GRB14: variants seen among roughly 807,000 people sequenced by gnomAD.
GRB14 encodes growth factor receptor bound protein 14.
In GRB14, 38 loss-of-function variants were observed where a neutral mutation model predicts 69.1. The ratio of observed to expected loss-of-function variants is 0.55; its 90% CI spans 0.42 to 0.72. The LOEUF (loss-of-function observed/expected upper bound fraction) is 0.72. Among genes scored for constraint, GRB14 ranks in the 30% least tolerant of loss-of-function variants. The pLI is 0.00. For missense variants in GRB14, 666 were observed against 666.1 expected (o/e 1.00, Z 0.00); for synonymous variants, 247 against 241.3 (o/e 1.02, Z -0.22).
At chr2:164,604,640 T>TAA (rs900332670) in intron 2 of GRB14, among the ~76,000 whole-genome samples, 1 of 143,808 alleles carries the variant, frequency 7.0e-6, no homozygotes. Flanking sequence ...TCTTCTTTCT[T>TAA]AAAAAAAAAA....
intron 2 of GRB14, among the ~76,000 whole-genome samples, chr2:164,564,261 C>T (rs1163991397): frequency 6.6e-6 from 1 of 152,106 alleles, no homozygotes; most frequent in Non-Finnish European, 1.5e-5. Context: ...AGGAGGCAAA[C>T]GATATGCTGC....
At chr2:164,561,593 T>A (rs1404629224) in intron 2 of GRB14, among the ~76,000 whole-genome samples, 1 of 152,298 alleles carries the variant, frequency 6.6e-6, no homozygotes, top group South Asian at 2.1e-4. Flanking sequence ...GATGAGTAGC[T>A]ATGCAGTACA....
intron 2 of GRB14, among the ~76,000 whole-genome samples, chr2:164,603,201 G>A (rs1417598256): frequency 3.3e-5 from 5 of 151,858 alleles, no homozygotes; most frequent in Non-Finnish European, 5.9e-5. Flanking sequence ...ATGAAAAGGG[G>A]AACTTAATAC....
At chr2:164,529,680 T>C (rs1455249764) in intron 3 of GRB14, among the ~76,000 whole-genome samples, 1 of 152,130 alleles carries the variant, frequency 6.6e-6, no homozygotes, top group Non-Finnish European at 1.5e-5. Flanking sequence ...CTGTCACCAT[T>C]TCAATTTAGA....
intron 3 of GRB14, among the ~76,000 whole-genome samples, chr2:164,547,196 C>G (rs889862836): frequency 2.0e-5 from 3 of 152,180 alleles, no homozygotes; most frequent in Non-Finnish European, 4.4e-5. Flanking sequence ...ACCTTGATCT[C>G]TCTAAACAGA....
At chr2:164,529,006 G>A (rs188592478) in intron 3 of GRB14, among the ~76,000 whole-genome samples, 218 of 152,252 alleles carry the variant, frequency 1.4e-3, no homozygotes, top group Admixed American at 3.7e-3. Context: ...GAAACCTAAT[G>A]TCCATGTCCA....
Position 164,533,055 on chromosome 2 carries a change from T to C in GRB14, c.482-5920A>G, listed in dbSNP as rs552360242. On this transcript the variant is annotated intron_variant, in intron 3 of 13. Transcript: ENST00000263915. Reference sequence around the variant, plus strand: ...TGACAACCACATGTCTGAGCCCAAGTTGATGTTCTTTTCCCTGCACACATT... The same window carrying C: ...TGACAACCACATGTCTGAGCCCAAGCTGATGTTCTTTTCCCTGCACACATT... 3.4e-4 allele frequency among the ~76,000 whole-genome samples: 51 copies of C among 152,130 alleles called. 1 individual carries two copies. The highest frequency in any genetic ancestry group is 1.0e-3 in the African/African-American group (43 of 41,508).
At chr2:164,611,465 G>C (rs1373481869) in intron 2 of GRB14, among the ~76,000 whole-genome samples, 1 of 151,954 alleles carries the variant, frequency 6.6e-6, no homozygotes. Context: ...TTTGGCTTAA[G>C]TAATCAAATA....
intron 2 of GRB14, among the ~76,000 whole-genome samples, chr2:164,598,393 C>T (rs556164666): frequency 6.6e-6 from 1 of 152,228 alleles, no homozygotes; most frequent in South Asian, 2.1e-4. Flanking sequence ...ATACAAATTG[C>T]CTAAATGTTG....
At chr2:164,532,710 T>C (rs941855024) in intron 3 of GRB14, among the ~76,000 whole-genome samples, 7 of 152,212 alleles carry the variant, frequency 4.6e-5, no homozygotes, top group African/African-American at 1.4e-4. Context: ...CTAAGGTTCT[T>C]GGAAAGAATG....
intron 3 of GRB14, among the ~76,000 whole-genome samples, chr2:164,532,476 G>A (rs1687967078): frequency 1.3e-5 from 2 of 152,194 alleles, no homozygotes; most frequent in Non-Finnish European, 2.9e-5. Context: ...AGCCTCTGCA[G>A]ATGTCATTAA....
intron 2 of GRB14, among the ~76,000 whole-genome samples, chr2:164,580,853 C>T (rs1689386219): frequency 6.6e-6 from 1 of 152,174 alleles, no homozygotes; most frequent in Admixed American, 6.5e-5. Context: ...GTATATTTAA[C>T]ATGCTTTGAA....
chr2:164,587,171 T>A (rs1171964563), intron 2 of GRB14, among the ~76,000 whole-genome samples: 1 of 152,118 alleles, frequency 6.6e-6, no homozygotes, highest in Non-Finnish European at 1.5e-5. Flanking sequence ...AAAGTCTTAT[T>A]TAAATAACAA....
intron 6 of GRB14, among the ~76,000 whole-genome samples, chr2:164,519,191 T>G (rs1687570715): frequency 6.6e-6 from 1 of 152,220 alleles, no homozygotes; most frequent in Non-Finnish European, 1.5e-5. Context: ...GTGGGTTATA[T>G]ATCAGAGATG....
intron 3 of GRB14, among the ~76,000 whole-genome samples, chr2:164,534,483 T>C (rs1034407756): frequency 6.6e-6 from 1 of 152,086 alleles, no homozygotes. Flanking sequence ...AACAGGAATA[T>C]ACAAGATGAC....
At chr2:164,507,750 A>C (rs1043287224) in intron 8 of GRB14, among the ~76,000 whole-genome samples, 1 of 133,976 alleles carries the variant, frequency 7.5e-6, no homozygotes, top group Non-Finnish European at 1.5e-5. Flanking sequence ...CTTTAAAAGG[A>C]AATAGTTGAT....
Position 164,573,816 on chromosome 2 carries a change from T to C in GRB14, c.325-26000A>G, listed in dbSNP as rs1689177830. 10 of 1,612,768 alleles carry C rather than the reference T, an allele frequency of 6.2e-6. No homozygotes were observed. In the South Asian group the frequency reaches 1.1e-4, roughly 18 times the overall value. On this transcript the variant is annotated intron_variant, in intron 2 of 13. Transcript: ENST00000263915. ...AGCATTAACATGTTGGCAGATAAAT[T>C]GAACATGACTCCAGAAGAAGCTGAA...
intron 2 of GRB14, among the ~76,000 whole-genome samples, chr2:164,562,419 A>G (rs1218480424): frequency 6.6e-6 from 1 of 152,142 alleles, no homozygotes; most frequent in Non-Finnish European, 1.5e-5. Flanking sequence ...AAGTTACAGA[A>G]AGGAAAGCAG....
At chr2:164,588,112 T>C (rs1420307981) in intron 2 of GRB14, among the ~76,000 whole-genome samples, 1 of 152,198 alleles carries the variant, frequency 6.6e-6, no homozygotes, top group Non-Finnish European at 1.5e-5. Context: ...ATAAATGTGT[T>C]TCCAATCTTC....
Sources: gnomAD v4.1 joint callset for allele counts (sites outside exome capture counted in the v4.1 genomes callset) on GRCh38, gnomAD v4.1.1 for gene constraint, MANE v1.5 for transcripts, NCBI Gene and HGNC (gene_info 2026-07-23, HGNC 2026-07-21) for gene names.